The following ROBO2 variants were observed in gnomAD, a reference collection of about 807,000 sequenced individuals.
ROBO2 encodes roundabout guidance receptor 2.
A neutral mutation model predicts 160.8 loss-of-function variants in ROBO2; 53 were observed. That is an observed-to-expected ratio of 0.33 (90% confidence interval 0.26 to 0.41). The LOEUF is 0.41. Among genes scored for constraint, ROBO2 ranks in the 10% least tolerant of loss-of-function variants. The probability of loss-of-function intolerance (pLI) is 1.00; values close to 1 mark genes in which losing one functional copy is unlikely to be tolerated. For missense variants in ROBO2, 1,577 were observed against 1,722.4 expected (o/e 0.92, Z 1.49); for synonymous variants, 664 against 611.7 (o/e 1.09, Z -1.26).
At chr3:76,178,859 T>G (rs2073324956) in intron 2 of ROBO2, among the ~76,000 whole-genome samples, 1 of 152,064 alleles carries the variant, frequency 6.6e-6, no homozygotes, top group Admixed American at 6.6e-5. Flanking sequence ...GAGAATCGCT[T>G]GAACCTGAGA....
At chr3:75,929,136 T>C (rs1947417471) in intron 1 of ROBO2, among the ~76,000 whole-genome samples, 1 of 148,660 alleles carries the variant, frequency 6.7e-6, no homozygotes, top group Non-Finnish European at 1.5e-5. Flanking sequence ...GTACTTTCAA[T>C]GTACCTTCAA....
chr3:76,515,499 A>T (rs74714718), intron 2 of ROBO2, among the ~76,000 whole-genome samples: 1 of 147,958 alleles, frequency 6.8e-6, no homozygotes, highest in Admixed American at 6.8e-5. Context: ...CCTGCAAGGT[A>T]TTTTTTTTTT....
At chr3:76,349,785 G>T (rs1240955889) in intron 2 of ROBO2, among the ~76,000 whole-genome samples, 1 of 152,004 alleles carries the variant, frequency 6.6e-6, no homozygotes, top group Non-Finnish European at 1.5e-5. Flanking sequence ...TCTTGTGTCA[G>T]TGTTTTTGGG....
chr3:76,083,155 C>T (rs904846536), intron 2 of ROBO2, among the ~76,000 whole-genome samples: 1 of 151,942 alleles, frequency 6.6e-6, no homozygotes, highest in African/African-American at 2.4e-5. Flanking sequence ...CATCAGTTCT[C>T]TATCAGTCAA....
intron 14 of ROBO2, 97 bp downstream of exon 15, chr3:77,574,827 C>A: frequency 1.1e-6 from 1 of 882,980 alleles, no homozygotes; most frequent in Non-Finnish European, 1.8e-6. Flanking sequence ...GGAAAGATAT[C>A]ACCTAAAAGT....
chr3:76,624,805 A>T (rs2109335537), intron 2 of ROBO2, among the ~76,000 whole-genome samples: 1 of 11,410 alleles, frequency 8.8e-5, no homozygotes, highest in Admixed American at 1.9e-3. Flanking sequence ...TCAAAAAAAA[A>T]AAAAAAAAAA....
intron 2 of ROBO2, among the ~76,000 whole-genome samples, chr3:76,725,367 C>G (rs1317190039): frequency 6.6e-6 from 1 of 152,120 alleles, no homozygotes. Flanking sequence ...TTTGATCCAG[C>G]CTTCTAGAAT....
chr3:76,601,392 GTTTCCACCC>G (rs2087130021), intron 2 of ROBO2, among the ~76,000 whole-genome samples: 1 of 152,184 alleles, frequency 6.6e-6, no homozygotes, highest in Non-Finnish European at 1.5e-5. Context: ...TCTCCATGAG[GTTTCCACCC>G]TTGCAGCAAA....
chr3:77,140,534 G>A (rs1236632336), intron 2 of ROBO2, among the ~76,000 whole-genome samples: 2 of 152,178 alleles, frequency 1.3e-5, no homozygotes, highest in Admixed American at 1.3e-4. Flanking sequence ...GCATTAGTGA[G>A]TATGGTGGTA....
chr3:76,620,248 T>A (rs779152589), intron 2 of ROBO2, among the ~76,000 whole-genome samples: 4 of 152,162 alleles, frequency 2.6e-5, no homozygotes, highest in Non-Finnish European at 5.9e-5. Flanking sequence ...TAATATGCTG[T>A]TTATTCTCAT....
chr3:76,933,867 T>C (rs1221633359), intron 2 of ROBO2, among the ~76,000 whole-genome samples: 1 of 152,220 alleles, frequency 6.6e-6, no homozygotes, highest in Non-Finnish European at 1.5e-5. Context: ...TCAGCTATCA[T>C]TTGTGTCTCT....
intron 2 of ROBO2, among the ~76,000 whole-genome samples, chr3:77,015,541 A>G (rs1177757479): frequency 6.6e-6 from 1 of 152,238 alleles, no homozygotes; most frequent in Non-Finnish European, 1.5e-5. Context: ...CTAGGATGAC[A>G]TTTAACAATG....
At chr3:76,609,233 A>G (rs1213465169) in intron 2 of ROBO2, among the ~76,000 whole-genome samples, 1 of 152,056 alleles carries the variant, frequency 6.6e-6, no homozygotes, top group Admixed American at 6.6e-5. Context: ...CTGTTTTTAT[A>G]CCAGTTCCAT....
intron 2 of ROBO2, among the ~76,000 whole-genome samples, chr3:76,623,513 T>C (rs1263045547): frequency 6.6e-6 from 1 of 152,220 alleles, no homozygotes; most frequent in Non-Finnish European, 1.5e-5. Flanking sequence ...AAGTATTTAC[T>C]AATGCATACC....
At chr3:77,611,563 T>C (rs1028743790) in intron 21 of ROBO2, among the ~76,000 whole-genome samples, 1 of 152,154 alleles carries the variant, frequency 6.6e-6, no homozygotes, top group African/African-American at 2.4e-5. Flanking sequence ...TTAGGAGATA[T>C]ACCCAGCTAA....
At position 77,410,567 on chromosome 3, in the gene ROBO2, TTCCTCCTCCTCTTCC is replaced by T. The variant is rs1202355389; in HGVS notation, c.389-66812_389-66798del. On this transcript the variant is annotated intron_variant, in intron 2 of 25. Transcript: ENST00000461745. ...CTTCCTCCTCTTCTTCCTCCTCTTC[TTCCTCCTCCTCTTCC>T]TCCTCCTCCTCTTCCTCCTCCTCCT... 2.8e-3 allele frequency among the ~76,000 whole-genome samples: 140 copies of T among 49,432 alleles called. 3 individuals are homozygous for T. Among genetic ancestry groups the T allele is most frequent in the South Asian group, 0.02 (20 of 980 alleles). The allele number at this position is 49,432 out of a possible 152,430, so 32.4% of individuals were successfully genotyped here.
intron 1 of ROBO2, among the ~76,000 whole-genome samples, chr3:77,072,032 A>G (rs1283968093): frequency 6.6e-6 from 1 of 152,000 alleles, no homozygotes; most frequent in Non-Finnish European, 1.5e-5. Flanking sequence ...CTTCATCTGT[A>G]TTTACAGCCT....
chr3:77,008,809 C>T (rs13082969), intron 2 of ROBO2, among the ~76,000 whole-genome samples: 20 of 152,074 alleles, frequency 1.3e-4, no homozygotes, highest in South Asian at 2.1e-4. Flanking sequence ...GAAAACTTAA[C>T]GGGCCTGAAT....
At chr3:77,250,708 T>C (rs1374083321) in intron 2 of ROBO2, among the ~76,000 whole-genome samples, 2 of 152,150 alleles carry the variant, frequency 1.3e-5, no homozygotes, top group Non-Finnish European at 1.5e-5. Flanking sequence ...GAGATGCATC[T>C]GGTGTTGGCC....
Sources: allele counts gnomAD v4.1 joint callset (sites outside exome capture counted in the v4.1 genomes callset), GRCh38; gene constraint gnomAD v4.1.1; transcripts MANE v1.5; gene names NCBI Gene and HGNC (gene_info 2026-07-23, HGNC 2026-07-21).